The following TECPR2 variants were observed in gnomAD, a reference collection of about 807,000 sequenced individuals.
The protein encoded by TECPR2 is tectonin beta-propeller repeat-containing protein 2.
TECPR2 carries 65 observed loss-of-function variants against 138.1 expected under a neutral mutation model. The observed-to-expected ratio is 0.47, with a 90% CI of 0.39 to 0.58. TECPR2 has a LOEUF of 0.58. Ranked by LOEUF, TECPR2 falls within the 20% of genes least tolerant of loss-of-function variation. The pLI is 0.00. For synonymous variants in TECPR2, 746 were observed against 749.8 expected (o/e 0.99, Z 0.08); for missense variants, 1,553 against 1,824.5 (o/e 0.85, Z 2.71).
chr14:102,470,363 G>A (rs1890631248), intron 17 of TECPR2, among the ~76,000 whole-genome samples: 1 of 149,446 alleles, frequency 6.7e-6, no homozygotes, highest in South Asian at 2.1e-4. Flanking sequence ...GCTAGAGGAT[G>A]TTGGCGCGAT....
chr14:102,369,819 G>A lies in TECPR2; in HGVS notation c.-73+6703G>A, dbSNP rs143821579. ...CAAAAAAACAAAAAATTAGCCAGGC[G>A]TGGTGGCAGGTGCCTGTAGTCCCAG... On this transcript the variant is annotated intron_variant, in intron 1 of 19. Transcript: ENST00000359520. Among the ~76,000 whole-genome samples the A allele has an allele frequency of 2.3e-3, 352 of 151,954 alleles. 10 individuals carry two copies. In the East Asian group the frequency reaches 0.046, roughly 20 times the overall value.
At chr14:102,473,752 T>C (rs1486230634) in intron 17 of TECPR2, among the ~76,000 whole-genome samples, 2 of 152,226 alleles carry the variant, frequency 1.3e-5, no homozygotes, top group Non-Finnish European at 2.9e-5. Flanking sequence ...ATAGTTGTGT[T>C]TAGCATCTTC....
At position 102,480,753 on chromosome 14, in the gene TECPR2, A is replaced by C. The variant is rs904826345; in HGVS notation, c.3789+15464A>C. ...GGCTGGTGTCAAACTACTGGTCTCA[A>C]GTGATCCTCCCACCCCTCAGCCTCC... On this transcript the variant is annotated intron_variant, in intron 17 of 19. Coordinates refer to ENST00000359520, the MANE Select transcript of TECPR2 (RefSeq NM_014844.5). Among the ~76,000 whole-genome samples, 9 of 147,608 alleles carry C rather than the reference A, an allele frequency of 6.1e-5. No individual in the cohort carries two copies. The East Asian group carries it at 1.8e-3, about 30-fold the overall frequency.
intron 3 of TECPR2, among the ~76,000 whole-genome samples, chr14:102,408,194 A>G (rs1194110855): frequency 6.6e-6 from 1 of 151,898 alleles, no homozygotes; most frequent in Non-Finnish European, 1.5e-5. Context: ...TGCTCAGAGA[A>G]GCTTAACACT....
intron 1 of TECPR2, among the ~76,000 whole-genome samples, chr14:102,364,505 T>C (rs1274033506): frequency 6.6e-6 from 1 of 151,514 alleles, no homozygotes; most frequent in Non-Finnish European, 1.5e-5. Context: ...AAGGGAGAAC[T>C]AAGTGCAGGT....
chr14:102,458,779 T>C (rs1890335947), intron 16 of TECPR2, among the ~76,000 whole-genome samples: 2 of 152,078 alleles, frequency 1.3e-5, no homozygotes, highest in South Asian at 4.2e-4. Flanking sequence ...CCAGACATTC[T>C]TCATTGACTG....
intron 17 of TECPR2, among the ~76,000 whole-genome samples, chr14:102,474,642 G>A (rs867413888): frequency 4.6e-5 from 7 of 152,256 alleles, no homozygotes; most frequent in Middle Eastern, 3.4e-3. Context: ...AGACTATTTT[G>A]ATCCAGGGAT....
At chr14:102,496,313 C>T (rs1414250972) in intron 17 of TECPR2, among the ~76,000 whole-genome samples, 1 of 152,212 alleles carries the variant, frequency 6.6e-6, no homozygotes, top group Non-Finnish European at 1.5e-5. Flanking sequence ...GGCATGGAGG[C>T]CTGGTCCAAC....
chr14:102,381,207 C>T (rs905629625), intron 2 of TECPR2, among the ~76,000 whole-genome samples: 8 of 152,174 alleles, frequency 5.3e-5, no homozygotes, highest in African/African-American at 1.7e-4. Context: ...GTGATCCACT[C>T]GCTTCGGCCT....
At chr14:102,439,794 G>A (rs1160044234) in intron 10 of TECPR2, among the ~76,000 whole-genome samples, 1 of 152,236 alleles carries the variant, frequency 6.6e-6, no homozygotes, top group Non-Finnish European at 1.5e-5. Flanking sequence ...GGTGATCACT[G>A]GTGGCCCCTT....
At chr14:102,407,515 A>C (rs374402313) in intron 3 of TECPR2, 49 bp downstream of exon 3, 1 of 1,533,432 alleles carries the variant, frequency 6.5e-7, no homozygotes, top group Non-Finnish European at 8.8e-7. Context: ...CACATTCCTC[A>C]TGGATTTTTA....
chr14:102,478,585 G>T (rs1316351415), intron 17 of TECPR2, among the ~76,000 whole-genome samples: 1 of 151,832 alleles, frequency 6.6e-6, no homozygotes, highest in Non-Finnish European at 1.5e-5. Context: ...GGAGGTTGAG[G>T]CTGCAGTGAG....
chr14:102,450,750 G>T (rs1890118826), intron 15 of TECPR2, 101 bp downstream of exon 15: 1 of 1,216,524 alleles, frequency 8.2e-7, no homozygotes, highest in African/African-American at 1.5e-5. Flanking sequence ...TATGGGGCAT[G>T]CCTCGGAGAC....
intron 4 of TECPR2, among the ~76,000 whole-genome samples, chr14:102,411,235 A>C (rs1205172268): frequency 6.6e-6 from 1 of 152,272 alleles, no homozygotes. Context: ...TTGCCGCCCC[A>C]ACATTTCAAC....
chr14:102,399,792 C>T (rs1275179802), intron 2 of TECPR2, among the ~76,000 whole-genome samples: 1 of 150,944 alleles, frequency 6.6e-6, no homozygotes, highest in Admixed American at 6.6e-5. Context: ...GATCTGGCCA[C>T]TGCGCTCCAG....
chr14:102,491,586 T>G (rs543027812), intron 17 of TECPR2, among the ~76,000 whole-genome samples: 14 of 152,202 alleles, frequency 9.2e-5, no homozygotes, highest in African/African-American at 1.7e-4. Context: ...TCCCTCAGCC[T>G]GAAGCCTGCC....
intron 17 of TECPR2, among the ~76,000 whole-genome samples, chr14:102,473,677 T>G (rs1379559541): frequency 1.3e-5 from 2 of 152,234 alleles, no homozygotes; most frequent in Admixed American, 6.5e-5. Flanking sequence ...TTTAACAAAG[T>G]ACTCAAAACA....
chr14:102,395,723 G>A (rs563664565), intron 2 of TECPR2, among the ~76,000 whole-genome samples: 2 of 151,742 alleles, frequency 1.3e-5, no homozygotes, highest in East Asian at 2.0e-4. Flanking sequence ...GCTTGAACCC[G>A]GGAGGCAGAG....
At chr14:102,478,345 G>C (rs568738668) in intron 17 of TECPR2, among the ~76,000 whole-genome samples, 1 of 152,162 alleles carries the variant, frequency 6.6e-6, no homozygotes, top group Admixed American at 6.6e-5. Context: ...CACCATGTCT[G>C]GCCTCTGTAG....
Sources: allele counts gnomAD v4.1 joint callset (sites outside exome capture counted in the v4.1 genomes callset), GRCh38; gene constraint gnomAD v4.1.1; transcripts MANE v1.5; gene names NCBI Gene and HGNC (gene_info 2026-07-23, HGNC 2026-07-21).